The following RASSF8 variants were observed in gnomAD, a reference collection of about 807,000 sequenced individuals.
The protein encoded by RASSF8 is ras association domain-containing protein 8.
Under a neutral mutation model 48.5 loss-of-function variants are expected in RASSF8, and 22 were observed. That is an observed-to-expected ratio of 0.45 (90% CI 0.32 to 0.65). The LOEUF is 0.65. RASSF8 is among the 30% of genes least tolerant of loss of function. RASSF8 has a pLI of 0.03. For missense variants in RASSF8, 418 were observed against 489.2 expected (o/e 0.85, Z 1.37); for synonymous variants, 127 against 171.5 (o/e 0.74, Z 2.03).
At chr12:26,009,121 C>T (rs1037023809) in intron 2 of RASSF8, among the ~76,000 whole-genome samples, 3 of 152,158 alleles carry the variant, frequency 2.0e-5, no homozygotes, top group Non-Finnish European at 4.4e-5. Flanking sequence ...ATAACACCAT[C>T]CTTTTCTCAC....
At chr12:26,017,894 T>C (rs1040515792) in intron 2 of RASSF8, among the ~76,000 whole-genome samples, 20 of 152,128 alleles carry the variant, frequency 1.3e-4, no homozygotes, top group Admixed American at 8.5e-4. Context: ...AGCAAAAAGG[T>C]TGAAGTTGGA....
Position 26,068,854 on chromosome 12 carries a change from T to G in RASSF8, c.*36T>G, listed in dbSNP as rs977620384. 1.3e-6 allele frequency: 2 copies of G among 1,532,432 alleles called. No individual in the cohort carries two copies. Among genetic ancestry groups the G allele is most frequent in the South Asian group, 2.4e-5 (2 of 83,372 alleles). 94.9% of individuals were successfully genotyped at this position (1,532,432 alleles called of 1,614,324 possible). ...CTTTAGGGAGGAGACCCAACAGAGG[T>G]ACCAAGGACAGTAAACTTCCTTTTT... On this transcript the variant is annotated 3_prime_UTR_variant, in exon 6 of 6. Coordinates refer to ENST00000689635, the MANE Select transcript of RASSF8 (RefSeq NM_001394098.1).
At chr12:26,038,578 A>G (rs979550358) in intron 2 of RASSF8, among the ~76,000 whole-genome samples, 2 of 150,996 alleles carry the variant, frequency 1.3e-5, no homozygotes, top group African/African-American at 2.4e-5. Flanking sequence ...GGGAAAATAA[A>G]TGCTTTGTTT....
Position 26,055,425 on chromosome 12 carries a change from A to G in RASSF8, c.82A>G (p.Ile28Val), listed in dbSNP as rs1370487976. 12 of 1,613,974 alleles carry G rather than the reference A, an allele frequency of 7.4e-6. No individual in the cohort carries two copies. Among genetic ancestry groups the G allele is most frequent in the East Asian group, 6.7e-5 (3 of 44,888 alleles). Reference sequence around the variant, plus strand: ...AGTCACAACTTGCCAGGAGGTTGTCATAGCCTTAGCTCAAGCAATAGGTGA... The same window carrying G: ...AGTCACAACTTGCCAGGAGGTTGTCGTAGCCTTAGCTCAAGCAATAGGTGA... ...TEVTTCQEVV[I>V]ALAQAIGRTG... The change falls in exon 3 of 6, where the codon ATA becomes GTA. Residue 28 changes from isoleucine (I) to valine (V), a missense_variant. Physicochemically the swap from Ile to Val is conservative, Grantham distance 29. Coordinates refer to ENST00000689635, the MANE Select transcript of RASSF8 (RefSeq NM_001394098.1).
chr12:25,991,980 T>TC (rs1942026184), intron 1 of RASSF8, among the ~76,000 whole-genome samples: 1 of 152,242 alleles, frequency 6.6e-6, no homozygotes, highest in Non-Finnish European at 1.5e-5. Flanking sequence ...CCTCTCCTTT[T>TC]CCCCATAATT....
chr12:25,984,038 A>G (rs1311861825), intron 1 of RASSF8, among the ~76,000 whole-genome samples: 4 of 152,140 alleles, frequency 2.6e-5, no homozygotes, highest in African/African-American at 4.8e-5. Flanking sequence ...GAAGTAGTAC[A>G]TTGTTTAAGG....
At chr12:26,073,771 A>ACG (rs1944041962), downstream of RASSF8, among the ~76,000 whole-genome samples, 1 of 135,706 alleles carries the variant, frequency 7.4e-6, no homozygotes, top group African/African-American at 2.8e-5. Context: ...ACACACACAC[A>ACG]CACACATATA....
At chr12:26,075,394 T>C (rs190777052), downstream of RASSF8, among the ~76,000 whole-genome samples, 209 of 152,336 alleles carry the variant, frequency 1.4e-3, 1 homozygote, top group African/African-American at 4.7e-3. Context: ...ATGGGCTTCC[T>C]TTTTATAGAG....
chr12:26,065,918 A>C (rs761959697), intron 4 of RASSF8, among the ~76,000 whole-genome samples: 1 of 152,046 alleles, frequency 6.6e-6, no homozygotes, highest in African/African-American at 2.4e-5. Context: ...GAGAAGTTCT[A>C]TTTTGCCACT....
At chr12:26,004,660 A>G (rs1942343160) in intron 2 of RASSF8, among the ~76,000 whole-genome samples, 1 of 152,152 alleles carries the variant, frequency 6.6e-6, no homozygotes, top group African/African-American at 2.4e-5. Flanking sequence ...TATATTTACT[A>G]TACAGTAAGT....
chr12:25,972,299 T>G (rs1413192022), intron 1 of RASSF8, among the ~76,000 whole-genome samples: 1 of 152,084 alleles, frequency 6.6e-6, no homozygotes, highest in East Asian at 1.9e-4. Context: ...GAAGTGGTCT[T>G]TGATTTGGGG....
intron 2 of RASSF8, among the ~76,000 whole-genome samples, chr12:26,014,927 TG>T (rs372041572): frequency 0.01 from 1,574 of 152,010 alleles, 29 homozygotes; most frequent in African/African-American, 0.03. Flanking sequence ...CCATACAGGC[TG>T]GGCATGGTGG....
At chr12:25,985,675 A>G (rs1364864158) in intron 1 of RASSF8, among the ~76,000 whole-genome samples, 2 of 152,208 alleles carry the variant, frequency 1.3e-5, no homozygotes, top group Non-Finnish European at 2.9e-5. Context: ...AAGTGGTCTT[A>G]TCCCCATCTT....
At chr12:25,996,741 G>T (rs540770061) in intron 2 of RASSF8, among the ~76,000 whole-genome samples, 14 of 152,228 alleles carry the variant, frequency 9.2e-5, no homozygotes, top group African/African-American at 3.1e-4. Flanking sequence ...ATTTAAAAAG[G>T]TTTTAAATAA....
intron 1 of RASSF8, among the ~76,000 whole-genome samples, chr12:25,978,661 T>G (rs1040986829): frequency 9.9e-5 from 15 of 152,064 alleles, no homozygotes; most frequent in African/African-American, 3.4e-4. Flanking sequence ...ATAGATTGTA[T>G]TCAAATGTGT....
intron 2 of RASSF8, among the ~76,000 whole-genome samples, chr12:26,041,269 C>T (rs192528960): frequency 6.6e-6 from 1 of 152,228 alleles, no homozygotes; most frequent in East Asian, 1.9e-4. Context: ...TGTTGAAACA[C>T]AAGCTGAGTT....
rs745727954 is a variant in RASSF8, at chr12:26,067,659, G to A, written c.1084G>A (p.Val362Ile). 1.3e-5 allele frequency: 21 copies of A among 1,614,044 alleles called. No homozygotes were observed. In the East Asian group the frequency reaches 3.6e-4, roughly 27 times the overall value. ...CCAGCAGACAGGGACAAAAGTTACC[G>A]TTTTGCCAGCGGAGCCCATTGAAAT... Reference protein sequence around the residue: ...FIQQTGTKVTVLPAEPIEIEA... With the variant: ...FIQQTGTKVTILPAEPIEIEA... The change falls in exon 5 of 6, where the codon GTT (valine) becomes ATT (isoleucine). Residue 362 changes from valine to isoleucine, a missense_variant. Coordinates refer to ENST00000689635, the MANE Select transcript of RASSF8 (RefSeq NM_001394098.1).
chr12:25,982,771 A>G (rs1057487777), intron 1 of RASSF8, among the ~76,000 whole-genome samples: 8 of 152,232 alleles, frequency 5.3e-5, no homozygotes, highest in Non-Finnish European at 7.3e-5. Context: ...GACTACTTTC[A>G]TAGTGTATTG....
At position 26,064,603 on chromosome 12, in the gene RASSF8, C is replaced by T. The variant is rs899260358; in HGVS notation, c.209C>T (p.Ala70Val). 1.2e-6 allele frequency: 2 copies of T among 1,614,026 alleles called. No individual in the cohort carries two copies. Among genetic ancestry groups the T allele is most frequent in the African/African-American group, 2.7e-5 (2 of 74,916 alleles). ...IISLNKWGQY[A>V]SDVQLILRRT... ...TCCTTAAACAAATGGGGGCAGTATG[C>T]TAGTGATGTGCAGCTCATTCTACGA... Residue 70 changes from alanine (A) to valine (V), a missense_variant, in exon 4 of 6, where the codon GCT becomes GTT. Physicochemically the swap from Ala to Val is moderately conservative, Grantham distance 64. Transcript: ENST00000689635.
Sources: gnomAD v4.1 joint callset for allele counts (sites outside exome capture counted in the v4.1 genomes callset) on GRCh38, gnomAD v4.1.1 for gene constraint, MANE v1.5 for transcripts, NCBI Gene and HGNC (gene_info 2026-07-23, HGNC 2026-07-21) for gene names.